SEC22C: variants seen among roughly 807,000 people sequenced by gnomAD.
SEC22C encodes the protein SEC22 homolog C, vesicle trafficking protein.
A neutral mutation model predicts 34.7 loss-of-function variants in SEC22C; 29 were observed. The observed-to-expected ratio is 0.84, with a 90% confidence interval of 0.62 to 1.14. The LOEUF is 1.14. Ranked by LOEUF, SEC22C falls within the 50% of genes most tolerant of loss-of-function variation. SEC22C has a pLI of 0.00. For missense variants in SEC22C, 337 were observed against 369.0 expected (o/e 0.91, Z 0.71); for synonymous variants, 117 against 132.8 (o/e 0.88, Z 0.82).
intron 2 of SEC22C, among the ~76,000 whole-genome samples, chr3:42,567,067 C>T (rs892174033): frequency 1.3e-5 from 2 of 152,160 alleles, no homozygotes; most frequent in African/African-American, 4.8e-5. Context: ...CACCCTACCA[C>T]ACTTGGGTAA....
chr3:42,565,684 A>T (rs954024488), intron 2 of SEC22C: 3 of 305,908 alleles, frequency 9.8e-6, no homozygotes, highest in African/African-American at 6.7e-5. Context: ...AGCCAAGGAA[A>T]ACCAAGGATT....
chr3:42,553,442 A>T lies in SEC22C; in HGVS notation c.718T>A (p.Leu240Met), dbSNP rs775675005. ...PFVACIFQCYLYLFYSPARTM... is the reference protein window; with the variant it reads ...PFVACIFQCYMYLFYSPARTM... ...CTGGCTGGACTGTAGAACAGGTACA[A>T]ATAACACTGAAATGAGACCAGAAGA... The change falls in exon 7 of 7, where the codon TTG becomes ATG. Residue 240 changes from leucine to methionine, a missense_variant. By Grantham distance (15) the Leu-to-Met change is conservative (BLOSUM62 2). Coordinates refer to ENST00000264454, the MANE Select transcript of SEC22C (RefSeq NM_032970.4). 1 of 1,613,834 alleles carries T rather than the reference A, an allele frequency of 6.2e-7. No individual in the cohort carries two copies. The highest frequency in any genetic ancestry group is 1.1e-5 in the South Asian group (1 of 90,982).
At chr3:42,558,671 A>G (rs1032129874) in intron 4 of SEC22C, among the ~76,000 whole-genome samples, 6 of 152,062 alleles carry the variant, frequency 3.9e-5, no homozygotes, top group Non-Finnish European at 8.8e-5. Context: ...ATGTGCCTGT[A>G]GTCCCCGCTA....
At chr3:42,593,775 T>A (rs942484013) in intron 1 of SEC22C, among the ~76,000 whole-genome samples, 8 of 152,208 alleles carry the variant, frequency 5.3e-5, no homozygotes, top group Non-Finnish European at 8.8e-5. Flanking sequence ...TGCTATTTTA[T>A]ACATGGTATG....
At chr3:42,591,179 C>T (rs1381271545) in intron 1 of SEC22C, 13 of 608,532 alleles carry the variant, frequency 2.1e-5, no homozygotes. Flanking sequence ...CCAGACGTCA[C>T]ACTGCACTAA....
intron 1 of SEC22C, among the ~76,000 whole-genome samples, chr3:42,572,677 G>C (rs1703720292): frequency 6.6e-6 from 1 of 152,090 alleles, no homozygotes; most frequent in African/African-American, 2.4e-5. Context: ...TGTTCAGAAG[G>C]GCCAGCTAAA....
chr3:42,563,802 A>G (rs1346617893), intron 2 of SEC22C, 116 bp from the exon 3 acceptor site: 1 of 1,553,446 alleles, frequency 6.4e-7, no homozygotes, highest in East Asian at 2.4e-5. Flanking sequence ...ACAGTCCTGT[A>G]GCTGTTTGCT....
chr3:42,556,033 T>C (rs1218975961), intron 5 of SEC22C, 38 bp from the exon 6 acceptor site: 1 of 1,512,834 alleles, frequency 6.6e-7, no homozygotes, highest in Non-Finnish European at 9.2e-7. Flanking sequence ...AAGGGATATT[T>C]AGATGAAAGG....
upstream of SEC22C, among the ~76,000 whole-genome samples, chr3:42,585,570 G>C (rs879570689): frequency 6.6e-6 from 1 of 152,042 alleles, no homozygotes; most frequent in African/African-American, 2.4e-5. Context: ...AAGCTCCATC[G>C]AGTCTTCATT....
Position 42,563,527 on chromosome 3 carries a change from C to T in SEC22C, c.342G>A (p.Glu114=). ...GLASRPYAFL[E]FDSIIQKVKW... ...ATATGAAAGAGGGTTACAAACCAAA[C>T]TCAAGAAAAGCGTATGGCCTGGAGG... Residue 114 remains glutamate, a synonymous_variant, in exon 3 of 7, where the codon GAG becomes GAA. Coordinates refer to ENST00000264454, the MANE Select transcript of SEC22C (RefSeq NM_032970.4). 6.2e-7 allele frequency: 1 copy of T among 1,607,560 alleles called. No individual in the cohort carries two copies. Among genetic ancestry groups the T allele is most frequent in the Non-Finnish European group, 8.5e-7 (1 of 1,178,160 alleles).
chr3:42,584,168 TTC>T (rs373030420), upstream of SEC22C, among the ~76,000 whole-genome samples: 458 of 152,300 alleles, frequency 3.0e-3, 3 homozygotes, highest in African/African-American at 0.011. Flanking sequence ...ATCACATTGG[TTC>T]TCTCTCTCTG....
Position 42,548,816 on chromosome 3 carries a change from A to C in SEC22C, c.*4432T>G. 1 of 1,448,096 alleles carries C rather than the reference A, an allele frequency of 6.9e-7. No homozygotes were observed. The highest frequency in any genetic ancestry group is 2.5e-5 in the East Asian group (1 of 40,078). The allele number at this position is 1,448,096 out of a possible 1,614,324, so 89.7% of individuals were successfully genotyped here. On this transcript the variant is annotated 3_prime_UTR_variant, in exon 7 of 7. Coordinates refer to ENST00000264454, the MANE Select transcript of SEC22C (RefSeq NM_032970.4). ...ATGCCTTTTTGTAAAGGCCAGAAGA[A>C]ATGGCTGTGCTGTGCTGCCTGAAGC...
At chr3:42,590,895 G>A (rs766685823) in intron 1 of SEC22C, 1 of 1,613,766 alleles carries the variant, frequency 6.2e-7, no homozygotes, top group South Asian at 1.1e-5. Flanking sequence ...GAGGTTCCTC[G>A]GGATGTCGGT....
chr3:42,570,586 G>C (rs902694130), intron 1 of SEC22C, among the ~76,000 whole-genome samples: 4 of 152,138 alleles, frequency 2.6e-5, no homozygotes, highest in African/African-American at 9.7e-5. Flanking sequence ...CCATTGGGGA[G>C]TAAAAATGTG....
In SEC22C at chr3:42,588,263, G is replaced by A. The variant is rs534043828; in HGVS notation, c.-28+12697C>T. Among the ~76,000 whole-genome samples, 6 of 151,882 alleles carry A rather than the reference G, an allele frequency of 4.0e-5. 1 individual carries two copies. In the South Asian group the frequency reaches 1.0e-3, roughly 26 times the overall value. Reference sequence around the variant, plus strand: ...CTAAAAATACAAAAAAATTAGCTGGGCATGGTGGCTTATGCCTGTAGTCCC... The same window carrying A: ...CTAAAAATACAAAAAAATTAGCTGGACATGGTGGCTTATGCCTGTAGTCCC... On this transcript the variant is annotated intron_variant, in intron 1 of 6. Coordinates refer to the SEC22C transcript ENST00000417572.
chr3:42,561,437 G>GCGAT (rs1702903169), intron 3 of SEC22C, 141 bp from the exon 4 acceptor site: 1 of 783,890 alleles, frequency 1.3e-6, no homozygotes, highest in Admixed American at 2.4e-5. Flanking sequence ...GTGCAGTGGT[G>GCGAT]CGATCACAAC....
At chr3:42,595,503 T>G (rs1356574825) in intron 1 of SEC22C, among the ~76,000 whole-genome samples, 1 of 152,230 alleles carries the variant, frequency 6.6e-6, no homozygotes, top group Non-Finnish European at 1.5e-5. Flanking sequence ...TTGCATCACA[T>G]AAGGAGTGAC....
chr3:42,590,801 C>T, intron 1 of SEC22C: 1 of 1,267,928 alleles, frequency 7.9e-7, no homozygotes, highest in Non-Finnish European at 1.2e-6. Context: ...CTGTACCCCG[C>T]CCTGTAGGCG....
At chr3:42,596,669 C>T (rs370722786) in intron 1 of SEC22C, among the ~76,000 whole-genome samples, 9 of 152,224 alleles carry the variant, frequency 5.9e-5, no homozygotes, top group Admixed American at 4.6e-4. Flanking sequence ...CTTTTATCTT[C>T]GAATCATCTA....
Sources: gnomAD v4.1 joint callset for allele counts (sites outside exome capture counted in the v4.1 genomes callset) on GRCh38, gnomAD v4.1.1 for gene constraint, MANE v1.5 for transcripts, NCBI Gene and HGNC (gene_info 2026-07-23, HGNC 2026-07-21) for gene names.